KIF3A: variants seen among roughly 807,000 people sequenced by gnomAD.
KIF3A encodes the protein kinesin-like protein KIF3A.
In KIF3A, 27 loss-of-function variants were observed where a neutral mutation model predicts 92.6. The observed-to-expected ratio is 0.29, with a 90% CI of 0.21 to 0.40. The LOEUF is 0.40. Among genes scored for constraint, KIF3A ranks in the 10% least tolerant of loss-of-function variants. The pLI is 1.00. For missense variants in KIF3A, 581 were observed against 872.6 expected (o/e 0.67, Z 4.21); for synonymous variants, 250 against 275.4 (o/e 0.91, Z 0.92).
At chr5:132,699,017 C>G (rs544646968) in intron 18 of KIF3A, among the ~76,000 whole-genome samples, 154 bp downstream of exon 18, 1 of 152,172 alleles carries the variant, frequency 6.6e-6, no homozygotes, top group African/African-American at 2.4e-5. Context: ...GGATTACAGG[C>G]GTGAGCCACT....
At chr5:132,720,563 C>T in intron 5 of KIF3A, 46 bp downstream of exon 5, 1 of 1,259,972 alleles carries the variant, frequency 7.9e-7, no homozygotes, top group Non-Finnish European at 1.1e-6. Flanking sequence ...CTAAACCAGC[C>T]TACTCAACAC....
At chr5:132,726,546 A>G in intron 2 of KIF3A, 48 bp from the exon 3 acceptor site, 1 of 1,503,210 alleles carries the variant, frequency 6.7e-7, no homozygotes, top group Non-Finnish European at 9.2e-7. Flanking sequence ...CTAATGCTAC[A>G]GAACAATAGC....
rs891549068 is a variant in KIF3A at position 132,693,460 on chromosome 5, A to C, written c.*3174T>G. 2.0e-5 allele frequency: 3 copies of C among 152,808 alleles called. No individual in the cohort carries two copies. The highest frequency in any genetic ancestry group is 2.9e-5 in the Non-Finnish European group (2 of 68,046). The allele number at this position is 152,808 out of a possible 1,614,324, so 9.5% of individuals were successfully genotyped here. A position where few individuals can be genotyped will look rare whatever the true frequency, so the allele number is the denominator to read the frequency against. On this transcript the variant is annotated 3_prime_UTR_variant, in exon 19 of 19. Coordinates refer to ENST00000403231, the MANE Select transcript of KIF3A (RefSeq NM_001300791.2). ...TAAAGGGAAAAGAGAATACCCATTC[A>C]ATAACCTATTTATATATATGTGCCA...
intron 9 of KIF3A, among the ~76,000 whole-genome samples, chr5:132,710,473 G>A (rs4705964): frequency 0.59 from 89,530 of 151,952 alleles, 28,548 homozygotes; most frequent in Non-Finnish European, 0.74. Context: ...AAAATTAGCC[G>A]GGCGAGGTGG....
chr5:132,716,250 T>C lies in KIF3A; in HGVS notation c.949A>G (p.Met317Val), dbSNP rs1455487038. The change falls in exon 7 of 19, where the codon ATG becomes GTG. Residue 317 changes from methionine to valine, a missense_variant. Met to Val is a conservative substitution (Grantham distance 21, BLOSUM62 1). This residue lies in a region of KIF3A where 40 missense variants were observed against 107.0 expected (regional missense o/e 0.37). Transcript: ENST00000403231. The stretch of plus-strand genomic sequence containing the variant: ...TATCACCAATTAAGTCTTACCATCA[T>C]GGTTTTTGAATTTCCTCCTAAGGAA... ...QDSLGGNSKT[M>V]MCANIGPADY... The C allele has an allele frequency of 2.5e-6, 4 of 1,612,396 alleles. No individual in the cohort carries two copies. The highest frequency in any genetic ancestry group is 2.2e-5 in the East Asian group (1 of 44,852).
At chr5:132,737,029 T>C in intron 1 of KIF3A, 1 of 369,410 alleles carries the variant, frequency 2.7e-6, no homozygotes. Context: ...CTGCGCTTGC[T>C]CCGAGGCGCA....
At chr5:132,691,179 C>A (rs1752655076), downstream of KIF3A, among the ~76,000 whole-genome samples, 1 of 152,208 alleles carries the variant, frequency 6.6e-6, no homozygotes, top group Non-Finnish European at 1.5e-5. Flanking sequence ...TACATACACA[C>A]TTCCTTAAGT....
At chr5:132,722,435 G>A (rs574364231) in intron 4 of KIF3A, among the ~76,000 whole-genome samples, 18 of 152,236 alleles carry the variant, frequency 1.2e-4, no homozygotes, top group South Asian at 1.0e-3. Flanking sequence ...AGAAATTTGC[G>A]CAAGAGTTTC....
downstream of KIF3A, among the ~76,000 whole-genome samples, chr5:132,690,235 T>TA (rs1752629341): frequency 6.6e-6 from 1 of 150,870 alleles, no homozygotes; most frequent in South Asian, 2.1e-4. Context: ...AAAGTAAAAA[T>TA]AAAAAATTAT....
rs776015005 is a variant in KIF3A at position 132,700,665 on chromosome 5, G to A, written c.1920C>T (p.Asp640=). 6.3e-7 allele frequency: 1 copy of A among 1,593,022 alleles called. No individual in the cohort carries two copies. Among genetic ancestry groups the A allele is most frequent in the East Asian group, 2.2e-5 (1 of 44,770 alleles). ...MIENYVHWNE[D]IGEWQLKCVA... ...TACTCACTAGCTGCCATTCTCCTAT[G>A]TCTTCATTCCAATGGACATAGTTTT... The change falls in exon 16 of 19, where the codon GAC becomes GAT. Residue 640 remains aspartate (D), a synonymous_variant. Transcript: ENST00000403231.
chr5:132,721,865 G>A (rs981211398), intron 4 of KIF3A, among the ~76,000 whole-genome samples: 6 of 152,140 alleles, frequency 3.9e-5, no homozygotes, highest in Non-Finnish European at 8.8e-5. Context: ...AGAGAAGGGC[G>A]CTTTCATGAA....
intron 1 of KIF3A, 46 bp from the exon 2 acceptor site, chr5:132,734,524 T>C (rs1321231057): frequency 6.6e-7 from 1 of 1,526,018 alleles, no homozygotes; most frequent in Non-Finnish European, 8.8e-7. Flanking sequence ...CATTAATTTT[T>C]ACCCTCATCA....
chr5:132,716,546 T>C (rs1034496051), intron 6 of KIF3A, 104 bp from the exon 7 acceptor site: 4 of 922,518 alleles, frequency 4.3e-6, no homozygotes, highest in Non-Finnish European at 6.5e-6. Flanking sequence ...AAACCTGATA[T>C]GATGCCTGAA....
chr5:132,721,913 TG>T (rs1753838464), intron 4 of KIF3A, among the ~76,000 whole-genome samples: 1 of 152,198 alleles, frequency 6.6e-6, no homozygotes, highest in Admixed American at 6.5e-5. Flanking sequence ...TTTGGTTTGA[TG>T]AAAGTGTTGA....
intron 2 of KIF3A, among the ~76,000 whole-genome samples, chr5:132,727,306 G>A (rs944864016): frequency 6.6e-6 from 1 of 152,184 alleles, no homozygotes; most frequent in East Asian, 1.9e-4. Flanking sequence ...CTTATGATGT[G>A]TATAATCTTG....
chr5:132,720,318 G>A (rs1294854809), intron 5 of KIF3A, among the ~76,000 whole-genome samples: 1 of 152,198 alleles, frequency 6.6e-6, no homozygotes, highest in Non-Finnish European at 1.5e-5. Context: ...TCTCCACTAA[G>A]AGCTCAATAA....
intron 11 of KIF3A, among the ~76,000 whole-genome samples, 178 bp downstream of exon 11, chr5:132,706,273 G>A (rs1753206840): frequency 6.6e-6 from 1 of 151,808 alleles, no homozygotes; most frequent in Non-Finnish European, 1.5e-5. Context: ...TAAGAATTTA[G>A]GGAAAAAAAT....
chr5:132,700,153 T>C (rs1391344440), intron 17 of KIF3A, 63 bp downstream of exon 17: 2 of 892,468 alleles, frequency 2.2e-6, no homozygotes, highest in Non-Finnish European at 3.5e-6. Context: ...TAATGACTCA[T>C]ATTCCTATAA....
chr5:132,737,409 C>T lies in KIF3A; in HGVS notation c.6+5G>A. 1.2e-6 allele frequency: 2 copies of T among 1,608,784 alleles called. No individual in the cohort carries two copies. Among genetic ancestry groups the T allele is most frequent in the Non-Finnish European group, 1.7e-6 (2 of 1,177,904 alleles). The stretch of plus-strand genomic sequence containing the variant: ...AAACCCCAGAAGCGAAGCGACTCTC[C>T]TCACCGGCATCTTGGCCCCCTCCCG... On this transcript the variant is annotated splice_donor_5th_base_variant and intron_variant, in intron 1 of 18. Coordinates refer to ENST00000403231, the MANE Select transcript of KIF3A (RefSeq NM_001300791.2).
Sources: allele counts gnomAD v4.1 joint callset (sites outside exome capture counted in the v4.1 genomes callset), GRCh38; gene constraint gnomAD v4.1.1; regional missense constraint gnomAD v4.1.1; transcripts MANE v1.5; gene names NCBI Gene and HGNC (gene_info 2026-07-23, HGNC 2026-07-21).